The following PPP6R1 variants were observed in gnomAD, a reference collection of about 807,000 sequenced individuals.
PPP6R1 encodes protein phosphatase 6 regulatory subunit 1.
PPP6R1 carries 39 observed loss-of-function variants against 104.6 expected under a neutral mutation model. That is an observed-to-expected ratio of 0.37 (90% CI 0.29 to 0.49). The LOEUF (loss-of-function observed/expected upper bound fraction) is 0.49, where lower values mean the gene tolerates loss of function less well. PPP6R1 is among the 20% of genes least tolerant of loss of function. The probability of loss-of-function intolerance (pLI) is 0.98; values close to 1 mark genes in which losing one functional copy is unlikely to be tolerated. For synonymous variants in PPP6R1, 549 were observed against 479.0 expected, an observed-to-expected ratio of 1.15 and a Z score of -1.91; for missense variants, 1,181 against 1,155.8, an observed-to-expected ratio of 1.02 and a Z score of -0.32.
chr19:55,245,825 G>T lies in PPP6R1; in HGVS notation c.228-147C>A. 1.4e-6 allele frequency: 1 copy of T among 699,766 alleles called. No homozygotes were observed. Among genetic ancestry groups the T allele is most frequent in the Non-Finnish European group, 2.4e-6 (1 of 424,036 alleles). 43.3% of individuals were successfully genotyped at this position (699,766 alleles called of 1,614,324 possible). A position where few individuals can be genotyped will look rare whatever the true frequency, so the allele number is the denominator to read the frequency against. ...CAGGAAGGGGAAAGGGCAGAGGACA[G>T]GGTGACGCAGAAACAAGGGCCCACA... is the stretch of plus-strand genomic sequence containing the variant. On this transcript the variant is annotated intron_variant, in intron 2 of 23. Transcript: ENST00000412770. This position sits in a 1 kb window ranked among gnomAD's most constrained non-coding sequence, Gnocchi z 6.4.
intron 1 of PPP6R1, among the ~76,000 whole-genome samples, chr19:55,257,692 C>G (rs527829145): frequency 6.6e-5 from 10 of 152,342 alleles, no homozygotes; most frequent in Admixed American, 6.5e-4. Context: ...TGGCCCCCTG[C>G]AGCTCCCTAA....
chr19:55,239,766 A>G (rs2087433497), intron 13 of PPP6R1, 60 bp downstream of exon 13: 1 of 1,595,938 alleles, frequency 6.3e-7, no homozygotes, highest in Non-Finnish European at 8.6e-7. Context: ...GTGGGAGGCT[A>G]AGACTGGCCC....
intron 17 of PPP6R1, among the ~76,000 whole-genome samples, chr19:55,236,006 T>C (rs561121763): frequency 6.6e-6 from 1 of 151,482 alleles, no homozygotes; most frequent in South Asian, 2.1e-4. Flanking sequence ...ATCCAGGTAA[T>C]TTTTGTAGAG....
chr19:55,248,360 G>A (rs1387062184), intron 1 of PPP6R1, among the ~76,000 whole-genome samples: 6 of 152,222 alleles, frequency 3.9e-5, no homozygotes, highest in Admixed American at 3.9e-4. Flanking sequence ...GGTCCCAGCA[G>A]ACAGCCTTCA....
intron 15 of PPP6R1, among the ~76,000 whole-genome samples, chr19:55,237,703 G>A (rs112431667): frequency 1.2e-3 from 188 of 152,328 alleles, no homozygotes; most frequent in Non-Finnish European, 2.3e-3. Flanking sequence ...TCCAAGGCAA[G>A]TGTCCTTAGT....
chr19:55,252,467 C>G (rs1014463643), intron 1 of PPP6R1, among the ~76,000 whole-genome samples: 2 of 151,004 alleles, frequency 1.3e-5, no homozygotes, highest in African/African-American at 2.4e-5. Flanking sequence ...GGCGCGATCT[C>G]GGCTCACTGC....
At chr19:55,253,211 A>G (rs1459885960) in intron 1 of PPP6R1, among the ~76,000 whole-genome samples, 1 of 152,226 alleles carries the variant, frequency 6.6e-6, no homozygotes, top group Admixed American at 6.5e-5. Context: ...AGACCAAGTA[A>G]AGAATTCTTA....
intron 17 of PPP6R1, among the ~76,000 whole-genome samples, chr19:55,235,312 A>G (rs2087386875): frequency 6.6e-6 from 1 of 152,044 alleles, no homozygotes; most frequent in Non-Finnish European, 1.5e-5. Flanking sequence ...AGAAGAGAGA[A>G]GCTGCCTGGG....
chr19:55,230,898 G>A lies in PPP6R1; in HGVS notation c.2460-14C>T. The A allele has an allele frequency of 6.3e-7, 1 of 1,582,394 alleles. No individual in the cohort carries two copies. On this transcript the variant is annotated splice_polypyrimidine_tract_variant and intron_variant, in intron 21 of 23. Coordinates refer to ENST00000412770, the MANE Select transcript of PPP6R1 (RefSeq NM_014931.4). ...TCTCTGGTTGCACTGTGGGTGAGAG[G>A]CAGGTGCGGCTGTCAGCGTGGCCCC...
intron 17 of PPP6R1, 184 bp downstream of exon 17, chr19:55,236,459 C>T: frequency 1.5e-6 from 1 of 663,132 alleles, no homozygotes. Flanking sequence ...ATGAGCCCAC[C>T]ATGCTTGGCC....
chr19:55,245,525 G>A lies in PPP6R1; in HGVS notation c.381C>T (p.Val127=). 5 of 1,610,326 alleles carry A rather than the reference G, an allele frequency of 3.1e-6. No individual in the cohort carries two copies. Among genetic ancestry groups the A allele is most frequent in the Non-Finnish European group, 4.2e-6 (5 of 1,178,426 alleles). Residue 127 remains valine, a synonymous_variant, in exon 3 of 24, where the codon GTC becomes GTT. Transcript: ENST00000412770. The surrounding 1 kb of genome is among the most constrained non-coding windows in gnomAD (Gnocchi z 6.4). ...NPLLASFFSK[V]MGILINRKTD... Reference sequence around the variant, plus strand: ...TCTTGCGGTTGATGAGGATGCCCATGACCTTGCTGAAGAAGCTGGCCAGCA... The same window carrying A: ...TCTTGCGGTTGATGAGGATGCCCATAACCTTGCTGAAGAAGCTGGCCAGCA...
chr19:55,243,521 C>G (rs1453552606), intron 5 of PPP6R1, among the ~76,000 whole-genome samples: 1 of 151,954 alleles, frequency 6.6e-6, no homozygotes, highest in East Asian at 1.9e-4. Context: ...AAAAATTAGC[C>G]AAGAATGGTG....
At chr19:55,239,317 T>C (rs1352958413) in intron 15 of PPP6R1, 88 bp downstream of exon 15, 2 of 1,304,532 alleles carry the variant, frequency 1.5e-6, no homozygotes, top group Non-Finnish European at 1.1e-6. Flanking sequence ...ACAGGGCATG[T>C]AGGTGCGTGC....
In PPP6R1 at chr19:55,245,338, G is replaced by C; in HGVS notation, c.479C>G (p.Ser160Trp). The stretch of plus-strand genomic sequence containing the variant: ...GCGCAGCAGGAGGTCCATGATGGCC[G>C]AGGTGCCAATGTGCTGCAGCAGCAG... The part of the protein sequence containing the change: ...VDLLLQHIGT[S>W]AIMDLLLRLL... Residue 160 changes from serine (S) to tryptophan (W), a missense_variant, in exon 4 of 24, where the codon TCG becomes TGG. This residue lies in a region of PPP6R1 where 1,042 missense variants were observed against 955.6 expected (regional missense o/e 1.09). Coordinates refer to ENST00000412770, the MANE Select transcript of PPP6R1 (RefSeq NM_014931.4). This position sits in a 1 kb window ranked among gnomAD's most constrained non-coding sequence, Gnocchi z 6.4. 2 of 1,611,482 alleles carry C rather than the reference G, an allele frequency of 1.2e-6. No homozygotes were observed. The highest frequency in any genetic ancestry group is 1.7e-6 in the Non-Finnish European group (2 of 1,178,992).
At chr19:55,234,554 T>G (rs1383620150) in intron 17 of PPP6R1, among the ~76,000 whole-genome samples, 2 of 152,116 alleles carry the variant, frequency 1.3e-5, no homozygotes, top group African/African-American at 4.8e-5. Context: ...TATAAAACTC[T>G]TAGAAGAAAA....
chr19:55,248,589 T>C (rs4806471), intron 1 of PPP6R1, among the ~76,000 whole-genome samples: 130,120 of 152,248 alleles, frequency 0.85, 55,638 homozygotes, highest in Middle Eastern at 0.87. Context: ...TCTCCTCCAA[T>C]GCCCTTCTGC....
intron 1 of PPP6R1, 145 bp from the exon 2 acceptor site, chr19:55,247,254 C>T: frequency 1.2e-6 from 1 of 826,256 alleles, no homozygotes; most frequent in Non-Finnish European, 1.9e-6. Flanking sequence ...GAGCCCGGCC[C>T]CGCCCCGGGA....
rs61735026 is a variant in PPP6R1 at position 55,231,820 on chromosome 19, C to T, written c.2288G>A (p.Arg763His). Reference sequence around the variant, plus strand: ...TTCTCACCTGAGCTGCAGGGCGTCACGGGCAGGAGGGCTGGCCAGGCTCTG... The same window carrying T: ...TTCTCACCTGAGCTGCAGGGCGTCATGGGCAGGAGGGCTGGCCAGGCTCTG... ...PTQSLASPPA[R>H]DALQLRSQDP... The change falls in exon 19 of 24, where the codon CGT (arginine) becomes CAT (histidine). Residue 763 changes from arginine to histidine, a missense_variant. Physicochemically the swap from Arg to His is conservative, Grantham distance 29. Coordinates refer to ENST00000412770, the MANE Select transcript of PPP6R1 (RefSeq NM_014931.4). 239 of 1,501,148 alleles carry T rather than the reference C, an allele frequency of 1.6e-4. 3 individuals carry two copies. Among genetic ancestry groups the T allele is most frequent in the South Asian group, 1.3e-3 (93 of 73,046 alleles). The allele number at this position is 1,501,148 out of a possible 1,614,324, so 93.0% of individuals were successfully genotyped here. A position where few individuals can be genotyped will look rare whatever the true frequency, so the allele number is the denominator to read the frequency against.
In PPP6R1 at chr19:55,236,532, G is replaced by A. The variant is rs1266006782; in HGVS notation, c.1988+111C>T. 5 of 1,228,088 alleles carry A rather than the reference G, an allele frequency of 4.1e-6. No individual in the cohort carries two copies. In the African/African-American group the frequency reaches 6.1e-5, roughly 15 times the overall value. The allele number at this position is 1,228,088 out of a possible 1,614,324, so 76.1% of individuals were successfully genotyped here. A position where few individuals can be genotyped will look rare whatever the true frequency, so the allele number is the denominator to read the frequency against. ...CCCAACTAATACACACACCAATGCA[G>A]GTTCCTTATTTTCTTCATTCACTTC... On this transcript the variant is annotated intron_variant, in intron 17 of 23. Transcript: ENST00000412770.
Sources: allele counts gnomAD v4.1 joint callset (sites outside exome capture counted in the v4.1 genomes callset), GRCh38; gene constraint gnomAD v4.1.1; regional missense constraint gnomAD v4.1.1; non-coding constraint Gnocchi (gnomAD v3.1); transcripts MANE v1.5; gene names NCBI Gene and HGNC (gene_info 2026-07-23, HGNC 2026-07-21).